The following ZNF804A variants were observed in gnomAD, a reference collection of about 807,000 sequenced individuals.
ZNF804A encodes the protein zinc finger protein 804A.
Under a neutral mutation model 16.5 loss-of-function variants are expected in ZNF804A, and 2 were observed. That is an observed-to-expected ratio of 0.12 (90% confidence interval 0.05 to 0.38). The LOEUF (loss-of-function observed/expected upper bound fraction) is 0.38, where lower values mean the gene tolerates loss of function less well. Among genes scored for constraint, ZNF804A ranks in the 10% least tolerant of loss-of-function variants. ZNF804A has a pLI of 0.99. For synonymous variants in ZNF804A, 534 were observed against 489.6 expected (o/e 1.09, Z -1.20); for missense variants, 1,473 against 1,390.7 (o/e 1.06, Z -0.94).
At chr2:184,747,918 T>A (rs1256013343) in intron 1 of ZNF804A, among the ~76,000 whole-genome samples, 1 of 151,502 alleles carries the variant, frequency 6.6e-6, no homozygotes, top group Non-Finnish European at 1.5e-5. Context: ...GGTTTTCTCT[T>A]CCTGAATTAA....
intron 1 of ZNF804A, among the ~76,000 whole-genome samples, chr2:184,844,275 A>G (rs1046375845): frequency 6.6e-6 from 1 of 151,970 alleles, no homozygotes. Context: ...AACAAAGTTA[A>G]TTTTTGGATC....
intron 2 of ZNF804A, 86 bp from the exon 3 acceptor site, chr2:184,933,517 T>C (rs1366145873): frequency 4.5e-6 from 6 of 1,321,776 alleles, no homozygotes; most frequent in Admixed American, 2.6e-5. Flanking sequence ...AGATGATGCA[T>C]TGGAAAATTT....
In ZNF804A at chr2:184,857,821, T is replaced by C. The variant is rs369317998; in HGVS notation, c.112-8548T>C. ...TTGCATGTACATCTTTTTTCATTTA[T>C]TTACTTTCAGCCTCTATGTGTCTTT... On this transcript the variant is annotated intron_variant, in intron 1 of 3. Transcript: ENST00000302277. 2.0e-5 allele frequency among the ~76,000 whole-genome samples: 3 copies of C among 152,312 alleles called. No homozygotes were observed. The South Asian group carries it at 6.2e-4, about 32-fold the overall frequency.
chr2:184,869,121 G>C (rs1695931271), intron 2 of ZNF804A, among the ~76,000 whole-genome samples: 1 of 151,806 alleles, frequency 6.6e-6, no homozygotes, highest in African/African-American at 2.4e-5. Flanking sequence ...CTATAATGCA[G>C]ATATCCCAAA....
intron 1 of ZNF804A, among the ~76,000 whole-genome samples, chr2:184,632,058 G>C (rs1691620221): frequency 6.6e-6 from 1 of 151,988 alleles, no homozygotes; most frequent in Admixed American, 6.6e-5. Flanking sequence ...ATAACGGAAT[G>C]TCAGACTTGA....
intron 1 of ZNF804A, among the ~76,000 whole-genome samples, chr2:184,799,873 G>A (rs1694698068): frequency 6.6e-6 from 1 of 152,000 alleles, no homozygotes; most frequent in Admixed American, 6.6e-5. Context: ...TCTGCTTTAT[G>A]GAAGAGATTA....
chr2:184,880,335 T>C (rs992627078), intron 2 of ZNF804A, among the ~76,000 whole-genome samples: 6 of 152,124 alleles, frequency 3.9e-5, no homozygotes, highest in African/African-American at 1.4e-4. Context: ...CTTAGCTTTT[T>C]TTATTACAAT....
chr2:184,643,026 T>A (rs1691816987), intron 1 of ZNF804A, among the ~76,000 whole-genome samples: 1 of 152,134 alleles, frequency 6.6e-6, no homozygotes, highest in Non-Finnish European at 1.5e-5. Flanking sequence ...ATACTCTATT[T>A]ATCTAGAGTG....
chr2:184,876,145 T>A (rs1472456338), intron 2 of ZNF804A, among the ~76,000 whole-genome samples: 1 of 152,190 alleles, frequency 6.6e-6, no homozygotes, highest in East Asian at 1.9e-4. Context: ...GTTGTTGGAA[T>A]GTTTTGTTTC....
At chr2:184,665,901 G>T (rs1204865042) in intron 1 of ZNF804A, among the ~76,000 whole-genome samples, 1 of 152,066 alleles carries the variant, frequency 6.6e-6, no homozygotes, top group Non-Finnish European at 1.5e-5. Flanking sequence ...CATCCCTCTG[G>T]ATTCCTTTCC....
chr2:184,920,564 CTG>C (rs1198042884), intron 2 of ZNF804A, among the ~76,000 whole-genome samples: 2 of 152,120 alleles, frequency 1.3e-5, no homozygotes, highest in African/African-American at 2.4e-5. Context: ...TGGATGGAAA[CTG>C]TGACTTTTTT....
chr2:184,803,396 G>A (rs998394986), intron 1 of ZNF804A, among the ~76,000 whole-genome samples: 18 of 151,496 alleles, frequency 1.2e-4, no homozygotes, highest in African/African-American at 4.1e-4. Context: ...TATTCACATA[G>A]CATTTATTTT....
intron 1 of ZNF804A, among the ~76,000 whole-genome samples, chr2:184,680,956 C>T (rs972453600): frequency 3.9e-5 from 6 of 152,256 alleles, no homozygotes; most frequent in African/African-American, 1.4e-4. Flanking sequence ...TGCAGTGTGC[C>T]TGGTCCAGCT....
At chr2:184,719,125 T>C (rs768764386) in intron 1 of ZNF804A, among the ~76,000 whole-genome samples, 3 of 152,164 alleles carry the variant, frequency 2.0e-5, no homozygotes, top group Non-Finnish European at 4.4e-5. Context: ...ACAGGCTCAA[T>C]ACCACATGAA....
intron 2 of ZNF804A, among the ~76,000 whole-genome samples, chr2:184,873,545 T>C (rs546991070): frequency 2.7e-4 from 41 of 152,298 alleles, no homozygotes; most frequent in Admixed American, 2.6e-3. Flanking sequence ...TAACTGCATG[T>C]AATATGATAT....
chr2:184,845,200 T>C (rs1695493735), intron 1 of ZNF804A, among the ~76,000 whole-genome samples: 1 of 152,120 alleles, frequency 6.6e-6, no homozygotes, highest in Non-Finnish European at 1.5e-5. Flanking sequence ...ATTTGTGTAA[T>C]GTCTGAGCCT....
chr2:184,834,914 T>A (rs1400667583), intron 1 of ZNF804A, among the ~76,000 whole-genome samples: 2 of 152,200 alleles, frequency 1.3e-5, no homozygotes, highest in African/African-American at 4.8e-5. Context: ...GAATTATGCA[T>A]ATTTTCATGA....
intron 1 of ZNF804A, among the ~76,000 whole-genome samples, chr2:184,756,544 A>G (rs553766781): frequency 9.2e-5 from 14 of 152,098 alleles, no homozygotes; most frequent in Admixed American, 3.9e-4. Flanking sequence ...CTTTTCTTCA[A>G]TTATTTTTAG....
intron 1 of ZNF804A, among the ~76,000 whole-genome samples, chr2:184,671,341 T>C (rs1263293184): frequency 6.6e-6 from 1 of 152,184 alleles, no homozygotes; most frequent in Non-Finnish European, 1.5e-5. Context: ...CTGGGTTGAA[T>C]CATAGAGAAC....
Sources: gnomAD v4.1 joint callset for allele counts (sites outside exome capture counted in the v4.1 genomes callset) on GRCh38, gnomAD v4.1.1 for gene constraint, MANE v1.5 for transcripts, NCBI Gene and HGNC (gene_info 2026-07-23, HGNC 2026-07-21) for gene names.